NBAS: variants seen among roughly 807,000 people sequenced by gnomAD.
NBAS encodes NBAS subunit of NRZ tethering complex, also known as NAG/BC035112 fusion.
In NBAS, 219 loss-of-function variants were observed where a neutral mutation model predicts 302.5. That is an observed-to-expected ratio of 0.72 (90% CI 0.65 to 0.81). The LOEUF is 0.81. NBAS is among the 30% of genes least tolerant of loss of function. The pLI, the probability that NBAS is intolerant of heterozygous loss-of-function variation, is 0.00. For synonymous variants in NBAS, 1,118 were observed against 1,021.6 expected (o/e 1.09, Z -1.80); for missense variants, 2,932 against 2,841.6 (o/e 1.03, Z -0.72).
chr2:14,897,242 C>G, the NBAS span, among the ~76,000 whole-genome samples: 1 of 152,088 alleles, frequency 6.6e-6, no homozygotes, highest in Non-Finnish European at 1.5e-5. Context: ...ATTTTTGGTG[C>G]TTTTCTCCTT....
chr2:15,363,448 C>T (rs1167424715), intron 32 of NBAS, among the ~76,000 whole-genome samples: 1 of 152,042 alleles, frequency 6.6e-6, no homozygotes, highest in Non-Finnish European at 1.5e-5. Flanking sequence ...GTGAAAATAG[C>T]CAGATGCAAA....
chr2:15,113,266 T>C, the NBAS span, among the ~76,000 whole-genome samples: 1 of 151,032 alleles, frequency 6.6e-6, no homozygotes, highest in Non-Finnish European at 1.5e-5. Context: ...TATGGTTACA[T>C]AAGCACCCTG....
Position 15,474,211 on chromosome 2 carries a change from G to C in NBAS, c.1455C>G (p.Tyr485Ter). The C allele has an allele frequency of 6.2e-7, 1 of 1,614,090 alleles. No homozygotes were observed. The highest frequency in any genetic ancestry group is 1.6e-4 in the Middle Eastern group (1 of 6,062). Residue 485 changes from tyrosine to a stop codon, truncating the protein, a stop_gained, in exon 15 of 52, where the codon TAC (tyrosine) becomes TAG (stop). Coordinates refer to ENST00000281513, the MANE Select transcript of NBAS (RefSeq NM_015909.4). LOFTEE classifies it high-confidence loss of function. ...SDYEISAKARYFGYIKQGLYL... is the reference protein window; with the variant it reads ...SDYEISAKAR ...AAAGGCCCTGTTTTATATAACCAAA[G>C]TAGCGAGCCTTGGCAGATATTTCAT...
chr2:15,227,234 G>T (rs1436950385), intron 47 of NBAS, among the ~76,000 whole-genome samples: 1 of 151,834 alleles, frequency 6.6e-6, no homozygotes, highest in South Asian at 2.1e-4. Context: ...ATCTGAAGAA[G>T]AAAGAAAGCA....
At chr2:14,786,316 T>A in the NBAS span, among the ~76,000 whole-genome samples, 2 of 152,066 alleles carry the variant, frequency 1.3e-5, no homozygotes, top group African/African-American at 2.4e-5. Context: ...TGTGTCTCTA[T>A]TTCCTTCAGT....
the NBAS span, among the ~76,000 whole-genome samples, chr2:14,838,697 ATCT>A: frequency 6.6e-6 from 1 of 151,954 alleles, no homozygotes; most frequent in African/African-American, 2.4e-5. Flanking sequence ...ACCCCTATAG[ATCT>A]TTGTTGGTTT....
intron 19 of NBAS, among the ~76,000 whole-genome samples, chr2:15,464,711 TG>T (rs1196904833): frequency 6.6e-6 from 1 of 152,202 alleles, no homozygotes; most frequent in Non-Finnish European, 1.5e-5. Flanking sequence ...CTTCACTTTT[TG>T]TTATTTCCTA....
At position 15,539,281 on chromosome 2, in the gene NBAS, C is replaced by G. The variant is rs1663680163; in HGVS notation, c.455G>C (p.Ser152Thr). ...ATCAAACACCCTCACAGTTCCTGTG[C>G]TTTCGGCATAGGCCAGTAGGGTACA... is the stretch of plus-strand genomic sequence containing the variant. ...YDCTLLAYAE[S>T]TGTVRVFDLM... Residue 152 changes from serine (S) to threonine (T), a missense_variant, in exon 7 of 52, where the codon AGC (serine) becomes ACC (threonine). Ser to Thr is a moderately conservative substitution (Grantham distance 58). Transcript: ENST00000281513. The G allele has an allele frequency of 6.2e-7, 1 of 1,614,096 alleles. No individual in the cohort carries two copies.
chr2:15,126,303 T>C, the NBAS span, among the ~76,000 whole-genome samples: 1 of 152,212 alleles, frequency 6.6e-6, no homozygotes, highest in Non-Finnish European at 1.5e-5. Flanking sequence ...ATGCTTGTTG[T>C]ACAGCTTGCA....
intron 38 of NBAS, among the ~76,000 whole-genome samples, chr2:15,310,873 C>T (rs1671241744): frequency 6.6e-6 from 1 of 152,174 alleles, no homozygotes; most frequent in African/African-American, 2.4e-5. Flanking sequence ...CTTACCAATA[C>T]CCAGATAAAA....
the NBAS span, among the ~76,000 whole-genome samples, chr2:14,985,389 A>C: frequency 6.6e-6 from 1 of 152,216 alleles, no homozygotes; most frequent in East Asian, 1.9e-4. Context: ...TGAAAAACAT[A>C]AGGTAGCAAG....
intron 15 of NBAS, among the ~76,000 whole-genome samples, chr2:15,473,647 G>A (rs1452511153): frequency 6.6e-6 from 1 of 152,130 alleles, no homozygotes; most frequent in South Asian, 2.1e-4. Context: ...CTCCTACCAC[G>A]ACATTGCAAG....
the NBAS span, among the ~76,000 whole-genome samples, chr2:14,923,055 G>A: frequency 1.3e-5 from 2 of 152,216 alleles, no homozygotes; most frequent in Non-Finnish European, 2.9e-5. Context: ...TGGAGGCTGA[G>A]GCAGGAGAAT....
At chr2:15,325,703 T>C (rs1390055861) in intron 38 of NBAS, among the ~76,000 whole-genome samples, 2 of 152,232 alleles carry the variant, frequency 1.3e-5, no homozygotes, top group Non-Finnish European at 2.9e-5. Context: ...GCAATAAGGT[T>C]GTTTTGCTTT....
At chr2:14,800,945 A>C in the NBAS span, among the ~76,000 whole-genome samples, 1 of 151,828 alleles carries the variant, frequency 6.6e-6, no homozygotes, top group African/African-American at 2.4e-5. Flanking sequence ...TAGGTGATAA[A>C]TTATTTTAGC....
chr2:14,886,115 C>T, the NBAS span, among the ~76,000 whole-genome samples: 16 of 152,268 alleles, frequency 1.1e-4, no homozygotes, highest in East Asian at 1.4e-3. Context: ...TAATATCACA[C>T]GCTTGGCTCT....
intron 36 of NBAS, among the ~76,000 whole-genome samples, chr2:15,329,139 G>A (rs887806652): frequency 6.6e-6 from 1 of 152,144 alleles, no homozygotes; most frequent in African/African-American, 2.4e-5. Flanking sequence ...GCTCCTTACT[G>A]GAAGAGCCAA....
chr2:15,307,147 C>A (rs145056818), intron 40 of NBAS, among the ~76,000 whole-genome samples: 30 of 152,204 alleles, frequency 2.0e-4, no homozygotes, highest in Non-Finnish European at 4.3e-4. Context: ...CACACCAGCT[C>A]ACTGGGAGCT....
the NBAS span, among the ~76,000 whole-genome samples, chr2:14,964,674 G>A: frequency 6.6e-6 from 1 of 152,110 alleles, no homozygotes; most frequent in African/African-American, 2.4e-5. Flanking sequence ...GAAGAATATA[G>A]ATGGCTTGAA....
Sources: gnomAD v4.1 joint callset for allele counts (sites outside exome capture counted in the v4.1 genomes callset) on GRCh38, gnomAD v4.1.1 for gene constraint, MANE v1.5 for transcripts, NCBI Gene and HGNC (gene_info 2026-07-23, HGNC 2026-07-21) for gene names.